PLB1: variants seen among roughly 807,000 people sequenced by gnomAD.
The protein encoded by PLB1 is phospholipase B1, also known as phospholipase B1, membrane-associated.
PLB1 carries 242 observed loss-of-function variants against 227.4 expected under a neutral mutation model. The ratio of observed to expected loss-of-function variants is 1.06; its 90% CI spans 0.96 to 1.18. The LOEUF is 1.18. Ranked by LOEUF, PLB1 falls within the 50% of genes most tolerant of loss-of-function variation. The pLI is 0.00. For missense variants in PLB1, 1,858 were observed against 1,816.3 expected, an observed-to-expected ratio of 1.02 and a Z score of -0.42; for synonymous variants, 757 against 682.2, an observed-to-expected ratio of 1.11 and a Z score of -1.71.
At chr2:28,537,018 G>A (rs2148201620) in intron 9 of PLB1, among the ~76,000 whole-genome samples, 1 of 152,324 alleles carries the variant, frequency 6.6e-6, no homozygotes, top group Non-Finnish European at 1.5e-5. Context: ...GTTCCCCTGG[G>A]CTCTTCAGGA....
At chr2:28,512,184 C>CT (rs1161733860) in intron 1 of PLB1, among the ~76,000 whole-genome samples, 2 of 148,772 alleles carry the variant, frequency 1.3e-5, no homozygotes, top group African/African-American at 2.5e-5. Flanking sequence ...ATTCTTCAAT[C>CT]TTTTTTCCTC....
At chr2:28,521,501 A>G (rs369148394) in intron 4 of PLB1, among the ~76,000 whole-genome samples, 6 of 152,306 alleles carry the variant, frequency 3.9e-5, no homozygotes, top group African/African-American at 1.4e-4. Flanking sequence ...CCTAATGGGT[A>G]TGAGGTGATG....
At chr2:28,529,817 T>C in intron 8 of PLB1, 38 bp downstream of exon 8, 1 of 1,602,466 alleles carries the variant, frequency 6.2e-7, no homozygotes, top group Non-Finnish European at 8.6e-7. Flanking sequence ...CTGGGCTGCC[T>C]GGCTTTGCTG....
At chr2:28,634,923 G>GA (rs369191544) in intron 56 of PLB1, among the ~76,000 whole-genome samples, 42 of 148,890 alleles carry the variant, frequency 2.8e-4, no homozygotes, top group East Asian at 3.9e-4. Flanking sequence ...AAAACAAATA[G>GA]AAAAAAAAAA....
Position 28,532,091 on chromosome 2 carries a change from G to A in PLB1, c.469-17G>A, listed in dbSNP as rs1168241422. ...CTTAACACAATCTCCTTTTCATGCT[G>A]TTGCCCTTTTATTCAGCAACTTGAC... On this transcript the variant is annotated splice_polypyrimidine_tract_variant and intron_variant, in intron 8 of 57. Coordinates refer to ENST00000327757, the MANE Select transcript of PLB1 (RefSeq NM_153021.5). The A allele has an allele frequency of 6.3e-7, 1 of 1,590,232 alleles. No individual in the cohort carries two copies.
intron 1 of PLB1, among the ~76,000 whole-genome samples, chr2:28,507,563 T>A (rs552210639): frequency 6.6e-6 from 1 of 152,164 alleles, no homozygotes; most frequent in Non-Finnish European, 1.5e-5. Flanking sequence ...ACATTGGGGA[T>A]CAAGTTTCCA....
chr2:28,550,200 T>G, intron 16 of PLB1, 116 bp downstream of exon 16: 3,082 of 507,398 alleles, frequency 6.1e-3, no homozygotes, highest in Non-Finnish European at 8.9e-3. Context: ...TGAGATGGAG[T>G]CTCACTCTGT....
At chr2:28,627,597 T>C (rs2148335291) in intron 51 of PLB1, among the ~76,000 whole-genome samples, 1 of 152,326 alleles carries the variant, frequency 6.6e-6, no homozygotes, top group South Asian at 2.1e-4. Context: ...GCATGGATTG[T>C]CTATCTTGTT....
intron 4 of PLB1, among the ~76,000 whole-genome samples, chr2:28,522,609 G>T (rs941046050): frequency 6.6e-6 from 1 of 152,168 alleles, no homozygotes; most frequent in East Asian, 1.9e-4. Context: ...TCCGCCCAGC[G>T]TTGGTCTCTA....
intron 56 of PLB1, among the ~76,000 whole-genome samples, chr2:28,636,406 GA>G (rs1358962934): frequency 6.6e-6 from 1 of 152,078 alleles, no homozygotes; most frequent in African/African-American, 2.4e-5. Flanking sequence ...AGCCACTTTG[GA>G]AAATTCTTTG....
rs144071458 is a variant in PLB1, at chr2:28,589,513, G to T, written c.1879G>T (p.Val627Leu). Reference sequence around the variant, plus strand: ...CACAAGGGAAGATTTTACTGTGGTTGTGCAGCCGTTCTTTGAAAACGTGGA... The same window carrying T: ...CACAAGGGAAGATTTTACTGTGGTTTTGCAGCCGTTCTTTGAAAACGTGGA... ...YDTREDFTVV[V>L]QPFFENVDMP... The change falls in exon 27 of 58, where the codon GTG becomes TTG. Residue 627 changes from valine to leucine, a missense_variant. Transcript: ENST00000327757. 3.1e-6 allele frequency: 5 copies of T among 1,614,226 alleles called. No individual in the cohort carries two copies. Among genetic ancestry groups the T allele is most frequent in the Non-Finnish European group, 4.2e-6 (5 of 1,180,038 alleles).
In PLB1 at chr2:28,591,900, G is replaced by A; in HGVS notation, c.2188+140G>A. The A allele has an allele frequency of 8.5e-6, 7 of 825,696 alleles. 1 individual carries two copies. Among genetic ancestry groups the A allele is most frequent in the South Asian group, 7.8e-5 (5 of 63,878 alleles). 51.1% of individuals were successfully genotyped at this position (825,696 alleles called of 1,614,324 possible). Reference sequence around the variant, plus strand: ...TGCTGTCTGCCTGGGTGGTCACCTGGGATGAGTCCCTGTTTCGCACCACTC... The same window carrying A: ...TGCTGTCTGCCTGGGTGGTCACCTGAGATGAGTCCCTGTTTCGCACCACTC... On this transcript the variant is annotated intron_variant, in intron 31 of 57. Coordinates refer to ENST00000327757, the MANE Select transcript of PLB1 (RefSeq NM_153021.5).
Position 28,643,376 on chromosome 2 carries a change from A to G in PLB1, c.*315A>G, listed in dbSNP as rs1444129473. ...CTCCAGCAGGGCTGCCCAAGCCACG[A>G]CCAACCAGAGCCCAAACTGCCTGCC... is the stretch of plus-strand genomic sequence containing the variant. On this transcript the variant is annotated 3_prime_UTR_variant, in exon 58 of 58. Transcript: ENST00000327757. 8.2e-6 allele frequency: 2 copies of G among 243,772 alleles called. No homozygotes were observed. The highest frequency in any genetic ancestry group is 1.6e-5 in the Non-Finnish European group (2 of 127,354). 15.1% of individuals were successfully genotyped at this position (243,772 alleles called of 1,614,324 possible). A position where few individuals can be genotyped will look rare whatever the true frequency, so the allele number is the denominator to read the frequency against.
intron 14 of PLB1, among the ~76,000 whole-genome samples, chr2:28,547,419 C>A (rs544601052): frequency 1.5e-4 from 23 of 152,322 alleles, no homozygotes; most frequent in African/African-American, 5.3e-4. Flanking sequence ...AGAGTTGCCA[C>A]TCCTTTTCCA....
intron 1 of PLB1, among the ~76,000 whole-genome samples, chr2:28,498,006 A>T (rs1666665509): frequency 6.6e-6 from 1 of 151,762 alleles, no homozygotes; most frequent in African/African-American, 2.4e-5. Context: ...GGTGTGAGCC[A>T]CCGTGCCCGG....
chr2:28,598,076 G>C, intron 34 of PLB1, 28 bp downstream of exon 34: 1 of 1,598,652 alleles, frequency 6.3e-7, no homozygotes, highest in Non-Finnish European at 8.6e-7. Context: ...GCTTGAATCT[G>C]TCTACTGTTC....
chr2:28,532,919 A>G (rs1218066926), intron 9 of PLB1, among the ~76,000 whole-genome samples: 5 of 152,180 alleles, frequency 3.3e-5, no homozygotes. Flanking sequence ...AAGATCATTC[A>G]GATTAGGATC....
At chr2:28,617,634 A>C in intron 44 of PLB1, 93 bp from the exon 45 acceptor site, 2 of 1,256,394 alleles carry the variant, frequency 1.6e-6, no homozygotes, top group Non-Finnish European at 2.3e-6. Flanking sequence ...TCTAGCCTCC[A>C]TCAAAAATCC....
intron 20 of PLB1, among the ~76,000 whole-genome samples, chr2:28,570,305 GA>G (rs933390676): frequency 7.3e-5 from 11 of 150,662 alleles, no homozygotes; most frequent in East Asian, 3.9e-4. Context: ...CCAGCAATAT[GA>G]AAAAAAAAGT....
Sources: gnomAD v4.1 joint callset for allele counts (sites outside exome capture counted in the v4.1 genomes callset) on GRCh38, gnomAD v4.1.1 for gene constraint, MANE v1.5 for transcripts, NCBI Gene and HGNC (gene_info 2026-07-23, HGNC 2026-07-21) for gene names.